LRIG1: variants seen among roughly 807,000 people sequenced by gnomAD.
The protein encoded by LRIG1 is leucine rich repeats and immunoglobulin like domains 1.
Under a neutral mutation model 99.2 loss-of-function variants are expected in LRIG1, and 48 were observed. That is an observed-to-expected ratio of 0.48 (90% CI 0.38 to 0.62). The LOEUF (loss-of-function observed/expected upper bound fraction) is 0.62. LRIG1 is among the 20% of genes least tolerant of loss of function. The pLI, the probability that LRIG1 is intolerant of heterozygous loss-of-function variation, is 0.00. For synonymous variants in LRIG1, 772 were observed against 596.1 expected (o/e 1.29, Z -4.30); for missense variants, 1,646 against 1,434.4 (o/e 1.15, Z -2.38).
intron 1 of LRIG1, among the ~76,000 whole-genome samples, chr3:66,474,047 T>G (rs1446849551): frequency 6.6e-6 from 1 of 152,214 alleles, no homozygotes; most frequent in Non-Finnish European, 1.5e-5. Flanking sequence ...GTTGTTGAAA[T>G]GGCTGAGAAG....
At chr3:66,381,953 TC>T (rs57816086) in intron 16 of LRIG1, among the ~76,000 whole-genome samples, 7,321 of 152,142 alleles carry the variant, frequency 0.048, 576 homozygotes, top group African/African-American at 0.17. Flanking sequence ...CTGGGCACGT[TC>T]CCCATGTAAG....
intron 9 of LRIG1, chr3:66,404,118 C>G (rs1184549464): frequency 5.5e-6 from 3 of 547,392 alleles, no homozygotes; most frequent in Non-Finnish European, 9.3e-6. Context: ...GAAGTACCTT[C>G]TTCAGACAGC....
At chr3:66,385,740 C>T (rs1277181655) in intron 13 of LRIG1, among the ~76,000 whole-genome samples, 2 of 152,238 alleles carry the variant, frequency 1.3e-5, no homozygotes, top group Non-Finnish European at 2.9e-5. Context: ...GCATGAGCCA[C>T]AGCACCCGGC....
chr3:66,446,522 C>T (rs1703732038), intron 3 of LRIG1, among the ~76,000 whole-genome samples: 1 of 151,534 alleles, frequency 6.6e-6, no homozygotes, highest in Non-Finnish European at 1.5e-5. Flanking sequence ...TCTCCTGCTG[C>T]AGCCTCCTGA....
At chr3:66,432,642 A>G (rs990215387) in intron 3 of LRIG1, among the ~76,000 whole-genome samples, 1 of 152,194 alleles carries the variant, frequency 6.6e-6, no homozygotes, top group East Asian at 1.9e-4. Flanking sequence ...CACAGCAGTA[A>G]GCAGTGCAGT....
At chr3:66,430,190 C>A (rs201541846) in intron 3 of LRIG1, among the ~76,000 whole-genome samples, 170 of 127,460 alleles carry the variant, frequency 1.3e-3, no homozygotes, top group African/African-American at 3.0e-3. Flanking sequence ...ACAACAACAA[C>A]AAAAAAAAAA....
intron 1 of LRIG1, among the ~76,000 whole-genome samples, chr3:66,464,375 G>A (rs1483436228): frequency 6.6e-6 from 1 of 152,122 alleles, no homozygotes. Flanking sequence ...ACACGGAAGT[G>A]CCTGCCGCAC....
chr3:66,456,105 C>G (rs542413657), intron 2 of LRIG1, among the ~76,000 whole-genome samples: 13 of 152,344 alleles, frequency 8.5e-5, no homozygotes, highest in African/African-American at 3.1e-4. Flanking sequence ...GTTCACTCAA[C>G]TCCAATTGCA....
At chr3:66,436,018 G>C (rs996856747) in intron 3 of LRIG1, among the ~76,000 whole-genome samples, 1 of 152,160 alleles carries the variant, frequency 6.6e-6, no homozygotes, top group African/African-American at 2.4e-5. Flanking sequence ...TGGGCTCTGT[G>C]TGATTTCTGA....
At chr3:66,427,744 A>C (rs1425541588) in intron 3 of LRIG1, among the ~76,000 whole-genome samples, 1 of 152,240 alleles carries the variant, frequency 6.6e-6, no homozygotes, top group African/African-American at 2.4e-5. Context: ...GGATTTTTAC[A>C]AAATGTAGAG....
intron 1 of LRIG1, among the ~76,000 whole-genome samples, chr3:66,472,602 G>C (rs1317019054): frequency 6.6e-6 from 1 of 152,154 alleles, no homozygotes; most frequent in African/African-American, 2.4e-5. Flanking sequence ...CCATAAAATT[G>C]CTCCTGGTCA....
intron 3 of LRIG1, among the ~76,000 whole-genome samples, chr3:66,419,435 G>A (rs758971062): frequency 1.3e-5 from 2 of 152,198 alleles, no homozygotes; most frequent in South Asian, 2.1e-4. Flanking sequence ...AGAGGCAGCC[G>A]TGGAGATGGG....
At chr3:66,417,622 C>G (rs1159699162) in intron 3 of LRIG1, 1 of 211,254 alleles carries the variant, frequency 4.7e-6, no homozygotes, top group African/African-American at 2.3e-5. Context: ...CAGACAGCTC[C>G]AGTCCAACTC....
chr3:66,411,680 A>G (rs751762955), intron 6 of LRIG1, among the ~76,000 whole-genome samples: 4 of 152,180 alleles, frequency 2.6e-5, no homozygotes, highest in Non-Finnish European at 5.9e-5. Flanking sequence ...GCTCGTTTCC[A>G]CTGCCAAGAA....
chr3:66,412,873 C>T lies in LRIG1; in HGVS notation c.789G>A (p.Val263=), dbSNP rs771444267. 1.9e-6 allele frequency: 3 copies of T among 1,614,100 alleles called. No homozygotes were observed. Among genetic ancestry groups the T allele is most frequent in the Non-Finnish European group, 1.7e-6 (2 of 1,179,958 alleles). Residue 263 remains valine, a splice_region_variant and synonymous_variant, in exon 6 of 19, where the codon GTG becomes GTA. Coordinates refer to ENST00000273261, the MANE Select transcript of LRIG1 (RefSeq NM_015541.3). ...CCAGTAACCTGGTCCGCACTTACAG[C>T]ACATGCATCTTGGACAGTCCCCAGA... The part of the protein sequence containing the change: ...GAFWGLSKMH[V]LHLEYNSLVE...
At chr3:66,471,450 G>T (rs79642836) in intron 1 of LRIG1, among the ~76,000 whole-genome samples, 2 of 152,166 alleles carry the variant, frequency 1.3e-5, no homozygotes, top group Non-Finnish European at 1.5e-5. Context: ...CAGAACAGAG[G>T]GGGGTTGGAA....
chr3:66,407,883 G>A (rs1401761618), intron 7 of LRIG1, among the ~76,000 whole-genome samples: 3 of 152,230 alleles, frequency 2.0e-5, no homozygotes, highest in African/African-American at 7.2e-5. Flanking sequence ...CTGGGATTCT[G>A]GAGATGACCC....
At chr3:66,449,974 C>CCATGAG (rs1349851342) in intron 3 of LRIG1, among the ~76,000 whole-genome samples, 1 of 152,226 alleles carries the variant, frequency 6.6e-6, no homozygotes, top group Non-Finnish European at 1.5e-5. Flanking sequence ...TACTGATGGT[C>CCATGAG]CATGACCTGT....
chr3:66,438,382 C>T (rs1233551985), intron 3 of LRIG1, among the ~76,000 whole-genome samples: 3 of 152,168 alleles, frequency 2.0e-5, no homozygotes, highest in African/African-American at 7.2e-5. Flanking sequence ...GAACATACAG[C>T]CCAGGCCTCC....
Sources: allele counts gnomAD v4.1 joint callset (sites outside exome capture counted in the v4.1 genomes callset), GRCh38; gene constraint gnomAD v4.1.1; transcripts MANE v1.5; gene names NCBI Gene and HGNC (gene_info 2026-07-23, HGNC 2026-07-21).